The following UTRN variants were observed in gnomAD, a reference collection of about 807,000 sequenced individuals.
UTRN encodes the protein dystrophin-related protein 1.
Under a neutral mutation model 463.9 loss-of-function variants are expected in UTRN, and 283 were observed. The ratio of observed to expected loss-of-function variants is 0.61; its 90% CI spans 0.55 to 0.67. The LOEUF (loss-of-function observed/expected upper bound fraction) is 0.67. Among genes scored for constraint, UTRN ranks in the 30% least tolerant of loss-of-function variants. The pLI, the probability that UTRN is intolerant of heterozygous loss-of-function variation, is 0.00. For missense variants in UTRN, 3,922 were observed against 4,084.3 expected (o/e 0.96, Z 1.08); for synonymous variants, 1,442 against 1,431.5 (o/e 1.01, Z -0.17).
intron 60 of UTRN, among the ~76,000 whole-genome samples, chr6:144,775,029 T>C (rs549536142): frequency 1.3e-5 from 2 of 152,350 alleles, no homozygotes; most frequent in Non-Finnish European, 2.9e-5. Flanking sequence ...TGATTGAGTC[T>C]ACCCTAGGCC....
At chr6:144,544,336 A>G (rs896399551) in intron 46 of UTRN, among the ~76,000 whole-genome samples, 7 of 152,194 alleles carry the variant, frequency 4.6e-5, no homozygotes, top group African/African-American at 1.7e-4. Context: ...AATGTTGTAC[A>G]ACCACTATTT....
intron 58 of UTRN, among the ~76,000 whole-genome samples, chr6:144,766,417 T>C (rs1317372350): frequency 6.6e-6 from 1 of 152,188 alleles, no homozygotes; most frequent in Non-Finnish European, 1.5e-5. Flanking sequence ...GTAACTTCTA[T>C]AAGTGTACAT....
intron 2 of UTRN, among the ~76,000 whole-genome samples, chr6:144,338,060 G>C (rs1014630437): frequency 2.6e-5 from 4 of 152,150 alleles, no homozygotes; most frequent in Admixed American, 2.6e-4. Flanking sequence ...ATATCTTCAT[G>C]CTTTGGAAAA....
chr6:144,394,443 G>C, intron 2 of UTRN, among the ~76,000 whole-genome samples: 1 of 152,146 alleles, frequency 6.6e-6, no homozygotes, highest in East Asian at 1.9e-4. Context: ...CCACCTCCAT[G>C]ATTTATCTTC....
intron 2 of UTRN, among the ~76,000 whole-genome samples, chr6:144,356,958 A>G (rs770223235): frequency 6.6e-6 from 1 of 152,192 alleles, no homozygotes; most frequent in Non-Finnish European, 1.5e-5. Flanking sequence ...AAATCACCAC[A>G]TGCATAAAAA....
At chr6:144,513,820 G>A (rs1795379394) in intron 35 of UTRN, 89 bp from the exon 36 acceptor site, 1 of 1,418,198 alleles carries the variant, frequency 7.1e-7, no homozygotes, top group African/African-American at 1.5e-5. Flanking sequence ...GGTACAGTTT[G>A]CTCTTTGAAG....
intron 51 of UTRN, among the ~76,000 whole-genome samples, chr6:144,577,887 T>C (rs1458792344): frequency 6.6e-6 from 1 of 152,210 alleles, no homozygotes; most frequent in Non-Finnish European, 1.5e-5. Context: ...TCTGCTTCAG[T>C]ACTCTTGAAC....
intron 51 of UTRN, among the ~76,000 whole-genome samples, chr6:144,599,786 G>A (rs1460858336): frequency 6.6e-6 from 1 of 152,026 alleles, no homozygotes; most frequent in African/African-American, 2.4e-5. Context: ...CTTCTTTTCT[G>A]TGTGTACACA....
intron 51 of UTRN, among the ~76,000 whole-genome samples, chr6:144,619,196 T>C (rs1261481917): frequency 6.6e-6 from 1 of 152,158 alleles, no homozygotes; most frequent in Non-Finnish European, 1.5e-5. Flanking sequence ...TCATATCAAA[T>C]TGGTCGATAA....
intron 43 of UTRN, among the ~76,000 whole-genome samples, chr6:144,533,793 G>A (rs947013671): frequency 1.3e-5 from 2 of 151,042 alleles, no homozygotes; most frequent in Non-Finnish European, 3.0e-5. Flanking sequence ...ATTTTATTTG[G>A]GCATCTTCCA....
At chr6:144,582,381 A>C (rs9390172) in intron 51 of UTRN, among the ~76,000 whole-genome samples, 13,464 of 152,102 alleles carry the variant, frequency 0.089, 1,236 homozygotes, top group East Asian at 0.54. Flanking sequence ...ATCCAGGGTT[A>C]TTTTGCACAT....
chr6:144,496,385 A>T lies in UTRN; in HGVS notation c.4594-2872A>T, dbSNP rs79975917. Among the ~76,000 whole-genome samples the T allele has an allele frequency of 6.5e-3, 991 of 152,250 alleles. 3 individuals are homozygous for T. The highest frequency in any genetic ancestry group is 0.024 in the Middle Eastern group (7 of 294). On this transcript the variant is annotated intron_variant, in intron 33 of 74. Transcript: ENST00000367545. ...CAAGCTTAGATTGTTGATGTGATAC[A>T]TTTTGATGTATTACATGTCTGGAAC...
At chr6:144,747,311 G>C (rs1790868196) in intron 54 of UTRN, among the ~76,000 whole-genome samples, 1 of 152,214 alleles carries the variant, frequency 6.6e-6, no homozygotes, top group Non-Finnish European at 1.5e-5. Context: ...AAACCAGCTA[G>C]ATAGGAAAGG....
At chr6:144,336,041 C>T (rs537737864) in intron 2 of UTRN, among the ~76,000 whole-genome samples, 1 of 152,244 alleles carries the variant, frequency 6.6e-6, no homozygotes, top group South Asian at 2.1e-4. Context: ...GCAGGATCTA[C>T]AGATGACTCA....
chr6:144,546,596 T>C (rs1167311636), intron 46 of UTRN, among the ~76,000 whole-genome samples: 1 of 151,478 alleles, frequency 6.6e-6, no homozygotes, highest in Admixed American at 6.6e-5. Flanking sequence ...AGCCCAGGAG[T>C]TTGAGACCAG....
intron 2 of UTRN, among the ~76,000 whole-genome samples, chr6:144,347,979 G>A (rs1388277927): frequency 6.6e-6 from 1 of 151,820 alleles, no homozygotes; most frequent in Non-Finnish European, 1.5e-5. Flanking sequence ...GAGTAGCTGG[G>A]ACTATAGGTA....
chr6:144,533,379 A>T (rs1797236191), intron 43 of UTRN, 119 bp downstream of exon 43: 8 of 1,457,442 alleles, frequency 5.5e-6, no homozygotes, highest in Non-Finnish European at 7.3e-6. Context: ...TTTTACTGAC[A>T]TTTAAGACCT....
In UTRN at chr6:144,466,244, A is replaced by T. The variant is rs577326609; in HGVS notation, c.3066+3378A>T. 5.2e-5 allele frequency among the ~76,000 whole-genome samples: 8 copies of T among 152,382 alleles called. No homozygotes were observed. In the South Asian group the frequency reaches 1.7e-3, roughly 32 times the overall value. ...CATCTTTCATTGATACAGCACATTT[A>T]AACTTTGAAAGTGTTTTCATGGCCA... On this transcript the variant is annotated intron_variant, in intron 23 of 74. Coordinates refer to ENST00000367545, the MANE Select transcript of UTRN (RefSeq NM_007124.3).
intron 3 of UTRN, among the ~76,000 whole-genome samples, chr6:144,407,880 A>C (rs961513013): frequency 1.3e-5 from 2 of 152,180 alleles, no homozygotes; most frequent in Non-Finnish European, 2.9e-5. Context: ...GGATTTTTAA[A>C]AGTTATGAAG....
Sources: gnomAD v4.1 joint callset for allele counts (sites outside exome capture counted in the v4.1 genomes callset) on GRCh38, gnomAD v4.1.1 for gene constraint, MANE v1.5 for transcripts, NCBI Gene and HGNC (gene_info 2026-07-23, HGNC 2026-07-21) for gene names.